Variants in RORA observed in about 807,000 individuals in gnomAD.
RORA encodes nuclear receptor ROR-alpha.
Under a neutral mutation model 69.5 loss-of-function variants are expected in RORA, and 7 were observed. The ratio of observed to expected loss-of-function variants is 0.10; its 90% CI spans 0.06 to 0.19. The LOEUF is 0.19. Among genes scored for constraint, RORA ranks in the 10% least tolerant of loss-of-function variants. The pLI is 1.00. For missense variants in RORA, 457 were observed against 663.0 expected (o/e 0.69, Z 3.41); for synonymous variants, 261 against 240.8 (o/e 1.08, Z -0.78).
chr15:60,530,837 G>C (rs1051904029), intron 3 of RORA: 1 of 152,178 alleles, frequency 6.6e-6, no homozygotes. Context: ...GCAATCGGCT[G>C]TCTCAAAGGC....
intron 1 of RORA, among the ~76,000 whole-genome samples, chr15:61,130,345 C>G (rs993272617): frequency 6.6e-6 from 1 of 152,118 alleles, no homozygotes; most frequent in African/African-American, 2.4e-5. Flanking sequence ...CCACAACCCT[C>G]TCATTTCACA....
At chr15:60,612,915 T>C (rs2069132128) in intron 2 of RORA, among the ~76,000 whole-genome samples, 1 of 152,144 alleles carries the variant, frequency 6.6e-6, no homozygotes, top group Admixed American at 6.5e-5. Flanking sequence ...AAAATGCCTT[T>C]TCTTTTTTTT....
intron 1 of RORA, among the ~76,000 whole-genome samples, chr15:60,788,902 C>CATTA (rs2072378163): frequency 6.6e-6 from 1 of 152,252 alleles, no homozygotes; most frequent in African/African-American, 2.4e-5. Flanking sequence ...TTTCACACCA[C>CATTA]ATTAATTTTT....
intron 2 of RORA, among the ~76,000 whole-genome samples, chr15:60,564,854 C>T (rs573751300): frequency 6.6e-6 from 1 of 152,204 alleles, no homozygotes; most frequent in South Asian, 2.1e-4. Context: ...CAATGGCACC[C>T]GAACGAAAAC....
chr15:60,590,200 T>TCTCTC (rs1555434789), intron 2 of RORA, among the ~76,000 whole-genome samples: 1 of 151,640 alleles, frequency 6.6e-6, no homozygotes, highest in Non-Finnish European at 1.5e-5. Context: ...TCTCTCTCTC[T>TCTCTC]TTCAGGCAGC....
intron 2 of RORA, among the ~76,000 whole-genome samples, chr15:60,539,683 C>T (rs763296936): frequency 4.6e-5 from 7 of 152,286 alleles, no homozygotes; most frequent in African/African-American, 1.4e-4. Context: ...AGTAAGTTCT[C>T]ACCCAATAAA....
chr15:60,848,832 C>T (rs1364550117), intron 1 of RORA: 2 of 152,226 alleles, frequency 1.3e-5, no homozygotes, highest in East Asian at 3.9e-4. Flanking sequence ...GAAATCCACT[C>T]ATAATCTGTT....
intron 1 of RORA, among the ~76,000 whole-genome samples, chr15:60,821,755 G>A (rs981870293): frequency 6.6e-6 from 1 of 152,160 alleles, no homozygotes; most frequent in African/African-American, 2.4e-5. Context: ...ATACTCCTTT[G>A]TGCAATACTT....
intron 1 of RORA, among the ~76,000 whole-genome samples, chr15:61,196,857 G>A (rs117993268): frequency 6.6e-6 from 1 of 152,294 alleles, no homozygotes; most frequent in East Asian, 1.9e-4. Flanking sequence ...GCTTTTTCCT[G>A]ATCTCTTTGA....
At chr15:60,911,286 T>C (rs560459137) in intron 1 of RORA, among the ~76,000 whole-genome samples, 1 of 152,172 alleles carries the variant, frequency 6.6e-6, no homozygotes, top group South Asian at 2.1e-4. Flanking sequence ...CGGAAGCTCC[T>C]AGTTGTATCT....
At chr15:60,869,536 C>G (rs2140434133) in intron 1 of RORA, among the ~76,000 whole-genome samples, 1 of 152,310 alleles carries the variant, frequency 6.6e-6, no homozygotes, top group East Asian at 1.9e-4. Flanking sequence ...TAGAGTCTCT[C>G]CAAATAGACT....
At chr15:60,911,859 G>GAT (rs1555393950) in intron 1 of RORA, among the ~76,000 whole-genome samples, 1 of 144,184 alleles carries the variant, frequency 6.9e-6, no homozygotes, top group East Asian at 2.1e-4. Flanking sequence ...ACCTGGCTAA[G>GAT]TTTTTTTTTT....
chr15:61,036,407 G>A (rs945121748), intron 1 of RORA, among the ~76,000 whole-genome samples: 1 of 152,194 alleles, frequency 6.6e-6, no homozygotes, highest in African/African-American at 2.4e-5. Context: ...GGATATGTAT[G>A]TGCTTCAGGA....
Position 60,870,631 on chromosome 15 carries a change from C to T in RORA, c.167-191945G>A, listed in dbSNP as rs183804389. 5.1e-3 allele frequency among the ~76,000 whole-genome samples: 784 copies of T among 152,288 alleles called. 3 individuals are homozygous for T. Among genetic ancestry groups the T allele is most frequent in the Middle Eastern group, 0.017 (5 of 294 alleles). On this transcript the variant is annotated intron_variant, in intron 1 of 10. Coordinates refer to ENST00000335670, the MANE Select transcript of RORA (RefSeq NM_134261.3). ...GTTTATAACTGTATATGCGTGGTGA[C>T]GCTCAAACACTTTTGCACAGAAACC...
At chr15:61,165,189 T>A (rs2079530733) in intron 1 of RORA, among the ~76,000 whole-genome samples, 1 of 152,200 alleles carries the variant, frequency 6.6e-6, no homozygotes, top group African/African-American at 2.4e-5. Context: ...GGGAGTATCT[T>A]CCCCACGTCA....
At chr15:60,750,982 T>C (rs1295334005) in intron 1 of RORA, among the ~76,000 whole-genome samples, 1 of 152,130 alleles carries the variant, frequency 6.6e-6, no homozygotes, top group African/African-American at 2.4e-5. Flanking sequence ...TTCACTCCAC[T>C]GTGAGGACTT....
At chr15:61,143,952 G>A (rs920765578) in intron 1 of RORA, among the ~76,000 whole-genome samples, 11 of 152,104 alleles carry the variant, frequency 7.2e-5, no homozygotes, top group Non-Finnish European at 1.5e-4. Context: ...TTTCTGAAAG[G>A]CAAAGAAAAC....
Position 60,837,604 on chromosome 15 carries a change from C to T in RORA, c.167-158918G>A, listed in dbSNP as rs533002889. ...GGGGAGCCTGTTTGGAGTGTAGGGG[C>T]GCACCCACTCTAAGTCATGTCTCAG... On this transcript the variant is annotated intron_variant, in intron 1 of 10. Coordinates refer to ENST00000335670, the MANE Select transcript of RORA (RefSeq NM_134261.3). 2.4e-4 allele frequency among the ~76,000 whole-genome samples: 37 copies of T among 152,224 alleles called. No homozygotes were observed. In the South Asian group the frequency reaches 6.0e-3, roughly 25 times the overall value.
At chr15:60,831,678 T>C (rs1294288352) in intron 1 of RORA, among the ~76,000 whole-genome samples, 1 of 152,184 alleles carries the variant, frequency 6.6e-6, no homozygotes, top group Non-Finnish European at 1.5e-5. Flanking sequence ...GATGAATCTT[T>C]CTCAAGTGCT....
Sources: allele counts gnomAD v4.1 joint callset (sites outside exome capture counted in the v4.1 genomes callset), GRCh38; gene constraint gnomAD v4.1.1; transcripts MANE v1.5; gene names NCBI Gene and HGNC (gene_info 2026-07-23, HGNC 2026-07-21).